SRSF7: variants seen among roughly 807,000 people sequenced by gnomAD.
SRSF7 encodes serine and arginine rich splicing factor 7.
In SRSF7, 15 loss-of-function variants were observed where a neutral mutation model predicts 42.2. The ratio of observed to expected loss-of-function variants is 0.36; its 90% confidence interval spans 0.24 to 0.55. SRSF7 has a LOEUF of 0.55. SRSF7 is among the 20% of genes least tolerant of loss of function. SRSF7 has a pLI of 0.88. For synonymous variants in SRSF7, 138 were observed against 107.9 expected, an observed-to-expected ratio of 1.28 and a Z score of -1.73; for missense variants, 181 against 305.9, an observed-to-expected ratio of 0.59 and a Z score of 3.04.
intron 3 of SRSF7, chr2:38,749,157 G>A: frequency 6.1e-6 from 8 of 1,320,918 alleles, no homozygotes; most frequent in South Asian, 1.2e-5. Context: ...GGCGATCACC[G>A]TCTCAAATTT....
chr2:38,750,579 G>A (rs927587652), intron 1 of SRSF7, among the ~76,000 whole-genome samples: 2 of 151,858 alleles, frequency 1.3e-5, no homozygotes, highest in African/African-American at 4.8e-5. Context: ...TAGGGGCCGG[G>A]CCAGGAGAGC....
chr2:38,749,994 A>T lies in SRSF7; in HGVS notation c.209+20T>A, dbSNP rs199801948. ...CACAGTATATTTTAATGAACAGAAG[A>T]TTCATAACATCTTACTTACTTTCCA... On this transcript the variant is annotated intron_variant, in intron 2 of 7. Transcript: ENST00000313117. The T allele has an allele frequency of 6.3e-7, 1 of 1,594,124 alleles. No homozygotes were observed. The highest frequency in any genetic ancestry group is 2.2e-5 in the East Asian group (1 of 44,672).
At position 38,744,023 on chromosome 2, in the gene SRSF7, G is replaced by A; in HGVS notation, c.*1110C>T. ...TAAAATTTGAATAAAGAACCTACTGGCTATGTAACATTCTAAGGTCTACCA... is the reference window on the plus strand; with the variant it reads ...TAAAATTTGAATAAAGAACCTACTGACTATGTAACATTCTAAGGTCTACCA... On this transcript the variant is annotated 3_prime_UTR_variant, in exon 8 of 8. Transcript: ENST00000313117. 3 of 152,056 alleles carry A rather than the reference G, an allele frequency of 2.0e-5. No homozygotes were observed. The highest frequency in any genetic ancestry group is 2.9e-5 in the Non-Finnish European group (2 of 68,020). The allele number at this position is 152,056 out of a possible 1,614,324, so 9.4% of individuals were successfully genotyped here. A position where few individuals can be genotyped will look rare whatever the true frequency, so the allele number is the denominator to read the frequency against.
chr2:38,750,228 AC>A (rs1301820861), intron 1 of SRSF7, 34 bp from the exon 2 acceptor site: 16 of 1,570,952 alleles, frequency 1.0e-5, no homozygotes, highest in Non-Finnish European at 1.3e-5. Flanking sequence ...AATGCACGTT[AC>A]GCAAAATCTG....
intron 1 of SRSF7, 87 bp downstream of exon 1, chr2:38,751,142 C>G: frequency 1.9e-6 from 3 of 1,563,022 alleles, no homozygotes; most frequent in South Asian, 2.2e-5. Flanking sequence ...GCGGAATAAC[C>G]GTCTCCCAAC....
chr2:38,749,829 C>A (rs1668013795), intron 2 of SRSF7, 124 bp from the exon 3 acceptor site: 1 of 1,282,042 alleles, frequency 7.8e-7, no homozygotes, highest in East Asian at 2.6e-5. Context: ...CAAACTTTGG[C>A]GGTCTTTACC....
At position 38,751,327 on chromosome 2, in the gene SRSF7, A is replaced by C; in HGVS notation, c.-71T>G. On this transcript the variant is annotated 5_prime_UTR_variant, in exon 1 of 8. Coordinates refer to ENST00000313117, the MANE Select transcript of SRSF7 (RefSeq NM_001031684.3). ...GCTCGAGTGACGCAAAAGCTGACAC[A>C]CACCTTCACCCGCCAAGAGTCCCGG... 6 of 1,604,876 alleles carry C rather than the reference A, an allele frequency of 3.7e-6. No individual in the cohort carries two copies. In the Admixed American group the frequency reaches 5.0e-5, roughly 13 times the overall value.
chr2:38,748,530 A>G, intron 4 of SRSF7, 49 bp downstream of exon 4: 1 of 1,564,156 alleles, frequency 6.4e-7, no homozygotes, highest in Non-Finnish European at 8.8e-7. Flanking sequence ...TTGGACTACC[A>G]GTGAATTTAA....
At position 38,746,164 on chromosome 2, in the gene SRSF7, T is replaced by C; in HGVS notation, c.642A>G (p.Arg214=). ...CTTACCTTCTTTTTGGAGATGGAGA[T>C]CTGGACTTTGATCGGCTGTCAAAAC... is the stretch of plus-strand genomic sequence containing the variant. The part of the protein sequence containing the change: ...SRPRSSRSKS[R]SPSPKRSRSP... Residue 214 remains arginine, a synonymous_variant, in exon 7 of 8, where the codon AGA becomes AGG. Transcript: ENST00000313117. The C allele has an allele frequency of 2.5e-6, 4 of 1,613,944 alleles. No individual in the cohort carries two copies. Among genetic ancestry groups the C allele is most frequent in the East Asian group, 2.2e-5 (1 of 44,872 alleles).
chr2:38,744,961 TA>T lies in SRSF7; in HGVS notation c.*171del. On this transcript the variant is annotated 3_prime_UTR_variant, in exon 8 of 8. Transcript: ENST00000313117. ...ACATTTTCAGACCATATGATGTTAA[TA>T]CATTCAACAAAATTTATATTATCTT... 1 of 592,062 alleles carries T rather than the reference TA, an allele frequency of 1.7e-6. No individual in the cohort carries two copies. Among genetic ancestry groups the T allele is most frequent in the African/African-American group, 1.9e-5 (1 of 53,922 alleles). 36.7% of individuals were successfully genotyped at this position (592,062 alleles called of 1,614,324 possible).
Position 38,745,257 on chromosome 2 carries a change from T to C in SRSF7, c.663-70A>G, listed in dbSNP as rs994066668. On this transcript the variant is annotated intron_variant, in intron 7 of 7. Coordinates refer to ENST00000313117, the MANE Select transcript of SRSF7 (RefSeq NM_001031684.3). Reference sequence around the variant, plus strand: ...AAACTCTCATGTACATGTACTAACTTTCAATAACTTCAAAGGTGGCCTAAG... The same window carrying C: ...AAACTCTCATGTACATGTACTAACTCTCAATAACTTCAAAGGTGGCCTAAG... The C allele has an allele frequency of 3.3e-6, 5 of 1,521,278 alleles. No individual in the cohort carries two copies. The South Asian group carries it at 4.5e-5, about 14-fold the overall frequency. The allele number at this position is 1,521,278 out of a possible 1,614,324, so 94.2% of individuals were successfully genotyped here. A position where few individuals can be genotyped will look rare whatever the true frequency, so the allele number is the denominator to read the frequency against.
chr2:38,748,692 A>G, intron 3 of SRSF7, 39 bp from the exon 4 acceptor site: 8 of 1,593,586 alleles, frequency 5.0e-6, no homozygotes, highest in Admixed American at 5.0e-5. Flanking sequence ...ATGTCAGACA[A>G]TAACTCGTTT....
rs551479530 is a variant in SRSF7 at position 38,748,296 on chromosome 2, G to C, written c.462-139C>G. ...GGATCGTTTGAGCCCAGGAGCTTGA[G>C]ACCAGCCTGGGAAACAGTGCAAGAC... is the stretch of plus-strand genomic sequence containing the variant. On this transcript the variant is annotated intron_variant, in intron 4 of 7. Coordinates refer to ENST00000313117, the MANE Select transcript of SRSF7 (RefSeq NM_001031684.3). 2.6e-5 allele frequency: 18 copies of C among 700,904 alleles called. 1 individual carries two copies. In the South Asian group the frequency reaches 3.0e-4, roughly 12 times the overall value. The allele number at this position is 700,904 out of a possible 1,614,324, so 43.4% of individuals were successfully genotyped here.
intron 1 of SRSF7, 192 bp downstream of exon 1, chr2:38,751,037 G>C (rs1286545305): frequency 1.5e-6 from 1 of 666,034 alleles, no homozygotes; most frequent in Non-Finnish European, 2.6e-6. Context: ...ACGGAACTCG[G>C]CAGAGATGTA....
chr2:38,743,898 G>GT lies in SRSF7; in HGVS notation c.*1234dup. 0.51 allele frequency: 74,885 copies of GT among 148,048 alleles called. 17,730 individuals carry two copies. The highest frequency in any genetic ancestry group is 0.85 in the East Asian group (4,314 of 5,086). 9.2% of individuals were successfully genotyped at this position (148,048 alleles called of 1,614,324 possible). On this transcript the variant is annotated 3_prime_UTR_variant, in exon 8 of 8. Coordinates refer to ENST00000313117, the MANE Select transcript of SRSF7 (RefSeq NM_001031684.3). The stretch of plus-strand genomic sequence containing the variant: ...GCCTAGGTATCTGCGCAACCAGCAG[G>GT]TTTTTTTTTTTTTGTACCAAGGCTA...
At chr2:38,750,280 C>G in intron 1 of SRSF7, 86 bp from the exon 2 acceptor site, 1 of 1,289,498 alleles carries the variant, frequency 7.8e-7, no homozygotes, top group East Asian at 2.4e-5. Context: ...AACGGGCCAT[C>G]CTCAAGATTG....
intron 6 of SRSF7, 38 bp downstream of exon 6, chr2:38,746,656 C>T (rs777606722): frequency 8.1e-6 from 13 of 1,610,098 alleles, no homozygotes; most frequent in Middle Eastern, 1.7e-4. Context: ...ATATTGGTGC[C>T]ATATAACTAG....
chr2:38,749,088 T>A, intron 3 of SRSF7: 1 of 1,313,980 alleles, frequency 7.6e-7, no homozygotes, highest in Non-Finnish European at 1.0e-6. Context: ...GTGGTCAATC[T>A]GGTGTTCCTC....
chr2:38,747,137 C>T, intron 5 of SRSF7: 1 of 474,428 alleles, frequency 2.1e-6, no homozygotes, highest in South Asian at 1.5e-5. Context: ...GAGGCTAAGG[C>T]AGGATGAAAA....
Sources: gnomAD v4.1 joint callset for allele counts (sites outside exome capture counted in the v4.1 genomes callset) on GRCh38, gnomAD v4.1.1 for gene constraint, MANE v1.5 for transcripts, NCBI Gene and HGNC (gene_info 2026-07-23, HGNC 2026-07-21) for gene names.